The following YTHDF3 variants were observed in gnomAD, a reference collection of about 807,000 sequenced individuals.
The protein encoded by YTHDF3 is YTH N6-methyladenosine RNA binding protein F3, also known as YTH domain-containing family protein 3.
In YTHDF3, 9 loss-of-function variants were observed where a neutral mutation model predicts 52.5. That is an observed-to-expected ratio of 0.17 (90% CI 0.10 to 0.30). The LOEUF is 0.30. Among genes scored for constraint, YTHDF3 ranks in the 10% least tolerant of loss-of-function variants. The probability of loss-of-function intolerance (pLI) is 1.00; values close to 1 mark genes in which losing one functional copy is unlikely to be tolerated. For missense variants in YTHDF3, 534 were observed against 715.0 expected (o/e 0.75, Z 2.89); for synonymous variants, 274 against 243.3 (o/e 1.13, Z -1.18).
intron 3 of YTHDF3, among the ~76,000 whole-genome samples, chr8:63,182,223 A>G (rs1338791473): frequency 1.4e-5 from 2 of 141,166 alleles, no homozygotes; most frequent in African/African-American, 2.6e-5. Flanking sequence ...GTGCACCACC[A>G]TGCCTGGCTA....
At chr8:63,170,814 A>G (rs574946184) in intron 2 of YTHDF3, among the ~76,000 whole-genome samples, 2 of 152,296 alleles carry the variant, frequency 1.3e-5, no homozygotes, top group East Asian at 3.9e-4. Flanking sequence ...CTTTAAGGTA[A>G]GTACACAAGT....
chr8:63,186,157 A>G lies in YTHDF3; in HGVS notation c.146A>G (p.Tyr49Cys). Residue 49 changes from tyrosine (Y) to cysteine (C), a missense_variant, in exon 4 of 5, where the codon TAT (tyrosine) becomes TGT (cysteine). Coordinates refer to ENST00000539294, the MANE Select transcript of YTHDF3 (RefSeq NM_152758.6). ...LSSQTNQSNS[Y>C]PPMSDPYMPS... ...TATTTTGTTTTGCAGAGTAACAGCT[A>G]TCCACCAATGTCAGATCCATACATG... The G allele has an allele frequency of 1.2e-6, 2 of 1,607,976 alleles. No homozygotes were observed. Among genetic ancestry groups the G allele is most frequent in the Non-Finnish European group, 1.7e-6 (2 of 1,175,106 alleles).
intron 4 of YTHDF3, among the ~76,000 whole-genome samples, chr8:63,203,537 T>C (rs1809783325): frequency 6.6e-6 from 1 of 152,246 alleles, no homozygotes; most frequent in African/African-American, 2.4e-5. Context: ...TTTCTGTATA[T>C]TCTTTATTCA....
At chr8:63,207,184 G>A (rs1429916415) in intron 4 of YTHDF3, among the ~76,000 whole-genome samples, 4 of 152,136 alleles carry the variant, frequency 2.6e-5, no homozygotes, top group African/African-American at 9.7e-5. Context: ...GTAGCATGTT[G>A]TGACCATTGT....
intron 3 of YTHDF3, among the ~76,000 whole-genome samples, chr8:63,179,631 C>T (rs1429772264): frequency 6.6e-6 from 1 of 152,210 alleles, no homozygotes; most frequent in East Asian, 1.9e-4. Flanking sequence ...TCTACACAGA[C>T]ACGGCAACCA....
intron 3 of YTHDF3, among the ~76,000 whole-genome samples, chr8:63,184,367 G>A (rs753018480): frequency 1.3e-5 from 2 of 152,094 alleles, no homozygotes; most frequent in East Asian, 3.9e-4. Flanking sequence ...ATCTTTGTCA[G>A]AATTATTAAT....
At chr8:63,201,145 G>A (rs1002289937) in intron 4 of YTHDF3, among the ~76,000 whole-genome samples, 1 of 152,158 alleles carries the variant, frequency 6.6e-6, no homozygotes, top group Non-Finnish European at 1.5e-5. Context: ...TAGATATGTT[G>A]AAGTGTCACT....
At chr8:63,168,956 C>G (rs1585731043) in intron 1 of YTHDF3, 55 bp downstream of exon 1, 1 of 1,542,504 alleles carries the variant, frequency 6.5e-7, no homozygotes, top group Admixed American at 2.0e-5. Context: ...GAGCTCCACC[C>G]TCGCGCGGGG....
chr8:63,210,447 T>C lies in YTHDF3; in HGVS notation c.*741T>C, dbSNP rs571202521. 1 of 152,736 alleles carries C rather than the reference T, an allele frequency of 6.5e-6. No individual in the cohort carries two copies. The highest frequency in any genetic ancestry group is 2.4e-5 in the African/African-American group (1 of 41,576). The allele number at this position is 152,736 out of a possible 1,614,324, so 9.5% of individuals were successfully genotyped here. A position where few individuals can be genotyped will look rare whatever the true frequency, so the allele number is the denominator to read the frequency against. ...TTGTCTGAGGAATTATTTTGTTTGC[T>C]ACCACTTAATGAATCTCAAAATTTT... On this transcript the variant is annotated 3_prime_UTR_variant, in exon 5 of 5. Transcript: ENST00000539294.
chr8:63,185,767 G>C (rs1808456609), intron 3 of YTHDF3, among the ~76,000 whole-genome samples: 1 of 152,150 alleles, frequency 6.6e-6, no homozygotes, highest in African/African-American at 2.4e-5. Flanking sequence ...TACATCAATT[G>C]ATTAAAGTAC....
intron 4 of YTHDF3, among the ~76,000 whole-genome samples, chr8:63,200,918 G>A (rs576463068): frequency 4.6e-5 from 7 of 152,048 alleles, no homozygotes; most frequent in Non-Finnish European, 1.0e-4. Context: ...ATCGAAAATA[G>A]CCAAAACTTA....
At chr8:63,172,816 T>C in intron 2 of YTHDF3, 2 of 1,231,402 alleles carry the variant, frequency 1.6e-6, no homozygotes, top group Non-Finnish European at 2.0e-6. Flanking sequence ...ATCTGTTCTT[T>C]TTACCCCTGA....
intron 2 of YTHDF3, 59 bp downstream of exon 2, chr8:63,169,470 C>T (rs1807135969): frequency 2.0e-6 from 3 of 1,515,184 alleles, no homozygotes; most frequent in African/African-American, 1.4e-5. Flanking sequence ...TACTTTTAAA[C>T]TCTGTGAGGG....
intron 3 of YTHDF3, among the ~76,000 whole-genome samples, chr8:63,185,299 T>A (rs1808426291): frequency 6.6e-6 from 1 of 152,016 alleles, no homozygotes; most frequent in South Asian, 2.1e-4. Flanking sequence ...TTAATAAAAT[T>A]TGGTGTCTTG....
chr8:63,190,856 A>C (rs1310614437), intron 4 of YTHDF3, among the ~76,000 whole-genome samples: 1 of 152,180 alleles, frequency 6.6e-6, no homozygotes, highest in African/African-American at 2.4e-5. Flanking sequence ...AATTTAATTC[A>C]GCTGAAGTTT....
At chr8:63,189,868 T>G (rs567213150) in intron 4 of YTHDF3, among the ~76,000 whole-genome samples, 3 of 152,226 alleles carry the variant, frequency 2.0e-5, no homozygotes, top group Non-Finnish European at 4.4e-5. Context: ...CAAATGACTT[T>G]AAGGCTCTGC....
At chr8:63,208,443 A>G (rs546408201) in intron 4 of YTHDF3, among the ~76,000 whole-genome samples, 1 of 152,324 alleles carries the variant, frequency 6.6e-6, no homozygotes, top group South Asian at 2.1e-4. Flanking sequence ...GCAAAGTGAG[A>G]GTCTTTTAAT....
intron 3 of YTHDF3, among the ~76,000 whole-genome samples, chr8:63,177,360 A>G (rs942734242): frequency 5.3e-5 from 8 of 152,048 alleles, no homozygotes; most frequent in African/African-American, 1.7e-4. Context: ...CATACATGGG[A>G]GGAGAAGAAA....
At chr8:63,206,661 A>T (rs1326591153) in intron 4 of YTHDF3, among the ~76,000 whole-genome samples, 3 of 152,080 alleles carry the variant, frequency 2.0e-5, no homozygotes. Flanking sequence ...CATGATTAAC[A>T]TTTTCATTTA....
Sources: gnomAD v4.1 joint callset for allele counts (sites outside exome capture counted in the v4.1 genomes callset) on GRCh38, gnomAD v4.1.1 for gene constraint, MANE v1.5 for transcripts, NCBI Gene and HGNC (gene_info 2026-07-23, HGNC 2026-07-21) for gene names.